The following DSC3 variants were observed in gnomAD, a reference collection of about 807,000 sequenced individuals.
The protein encoded by DSC3 is desmocollin 3.
In DSC3, 97 loss-of-function variants were observed where a neutral mutation model predicts 89.5. The ratio of observed to expected loss-of-function variants is 1.08; its 90% CI spans 0.92 to 1.28. DSC3 has a LOEUF of 1.28. Among genes scored for constraint, DSC3 ranks in the 50% most tolerant of loss-of-function variants. The probability of loss-of-function intolerance (pLI) is 0.00; values close to 1 mark genes in which losing one functional copy is unlikely to be tolerated. For missense variants in DSC3, 1,199 were observed against 1,085.3 expected (o/e 1.10, Z -1.47); for synonymous variants, 436 against 384.1 (o/e 1.14, Z -1.58).
intron 9 of DSC3, among the ~76,000 whole-genome samples, chr18:31,012,500 T>A (rs185605139): frequency 6.6e-6 from 1 of 152,302 alleles, no homozygotes; most frequent in Non-Finnish European, 1.5e-5. Flanking sequence ...TCCTAGATAG[T>A]CTGGACATTC....
At chr18:31,032,053 A>ACTT in intron 2 of DSC3, 139 bp downstream of exon 2, 1 of 662,382 alleles carries the variant, frequency 1.5e-6, no homozygotes, top group Non-Finnish European at 2.7e-6. Flanking sequence ...CAGAATGATA[A>ACTT]CTTCTGGTTT....
intron 5 of DSC3, 130 bp from the exon 6 acceptor site, chr18:31,024,623 G>T: frequency 2.1e-6 from 2 of 975,162 alleles, no homozygotes; most frequent in Non-Finnish European, 3.0e-6. Context: ...TATCCACTGT[G>T]TTTTTAATTA....
rs145045316 is a variant in DSC3 at position 30,997,050 on chromosome 18, T to C, written c.2236-2A>G. 5.7e-5 allele frequency: 92 copies of C among 1,614,182 alleles called. No individual in the cohort carries two copies. Among genetic ancestry groups the C allele is most frequent in the Middle Eastern group, 3.3e-4 (2 of 6,062 alleles). On this transcript the variant is annotated splice_acceptor_variant, in intron 14 of 15. Transcript: ENST00000360428. LOFTEE classifies it high-confidence loss of function. ...GGTCATAAATCCATTGGCAGAGCAC[T>C]GAAATAATAAAATGAAATAATTCAT...
intron 5 of DSC3, among the ~76,000 whole-genome samples, chr18:31,025,553 C>T (rs1985568010): frequency 6.6e-6 from 1 of 152,022 alleles, no homozygotes; most frequent in South Asian, 2.1e-4. Context: ...AATATTGAAC[C>T]TCTTTGCTTC....
chr18:30,997,270 G>A (rs1334703020), intron 14 of DSC3, among the ~76,000 whole-genome samples: 1 of 152,146 alleles, frequency 6.6e-6, no homozygotes, highest in African/African-American at 2.4e-5. Flanking sequence ...TTAAAGAACA[G>A]AGATTTATTT....
At position 31,033,260 on chromosome 18, in the gene DSC3, T is replaced by C. The variant is rs1449108590; in HGVS notation, c.70-984A>G. 4.6e-5 allele frequency among the ~76,000 whole-genome samples: 7 copies of C among 152,042 alleles called. No homozygotes were observed. The East Asian group carries it at 1.3e-3, about 29-fold the overall frequency. ...AATCTGTATAAAAATCCCAGATAAC[T>C]TTTTTTGAAGAAATTGAAAATTAAT... On this transcript the variant is annotated intron_variant, in intron 1 of 15. Coordinates refer to ENST00000360428, the MANE Select transcript of DSC3 (RefSeq NM_001941.5).
At position 31,004,304 on chromosome 18, in the gene DSC3, T is replaced by C; in HGVS notation, c.1951A>G (p.Thr651Ala). ...AGFQEYTIPITVKDRAGQAAT... is the reference protein window; with the variant it reads ...AGFQEYTIPIAVKDRAGQAAT... ...GCTTGGCCGGCCCTGTCTTTTACAG[T>C]AATAGGAATGGTATATTCTTGAAAT... Residue 651 changes from threonine to alanine, a missense_variant, in exon 13 of 16, where the codon ACT (threonine) becomes GCT (alanine). Thr to Ala is a moderately conservative substitution (Grantham distance 58). Coordinates refer to ENST00000360428, the MANE Select transcript of DSC3 (RefSeq NM_001941.5). 1.2e-6 allele frequency: 2 copies of C among 1,613,992 alleles called. No individual in the cohort carries two copies. Among genetic ancestry groups the C allele is most frequent in the Non-Finnish European group, 1.7e-6 (2 of 1,179,922 alleles).
intron 15 of DSC3, 127 bp downstream of exon 15, chr18:30,996,664 G>T: frequency 2.9e-6 from 3 of 1,038,844 alleles, no homozygotes; most frequent in Non-Finnish European, 4.0e-6. Flanking sequence ...AAGAGCACGG[G>T]AAAATGAACA....
intron 1 of DSC3, among the ~76,000 whole-genome samples, chr18:31,035,704 C>A (rs1433603795): frequency 6.6e-6 from 1 of 151,776 alleles, no homozygotes; most frequent in East Asian, 1.9e-4. Context: ...CAGTGCCCAT[C>A]TAGATCTTTA....
In DSC3 at chr18:31,018,099, G is replaced by A. The variant is rs368556815; in HGVS notation, c.1235C>T (p.Thr412Ile). The change falls in exon 9 of 16, where the codon ACT becomes ATT. Residue 412 changes from threonine to isoleucine, a missense_variant. Coordinates refer to ENST00000360428, the MANE Select transcript of DSC3 (RefSeq NM_001941.5). ...TACAACAGAAAGAACACCTTCATTA[G>A]TTTCTTTGTCTGTGCTGATTTTGAA... is the stretch of plus-strand genomic sequence containing the variant. Reference protein sequence around the residue: ...GHFKISTDKETNEGVLSVVKP... With the variant: ...GHFKISTDKEINEGVLSVVKP... The A allele has an allele frequency of 1.7e-5, 28 of 1,612,200 alleles. No individual in the cohort carries two copies. Among genetic ancestry groups the A allele is most frequent in the Non-Finnish European group, 2.3e-5 (27 of 1,179,160 alleles).
At position 30,990,295 on chromosome 18, in the gene DSC3, C is replaced by T. The variant is rs976456109; in HGVS notation, c.*3880G>A. 2 of 152,136 alleles carry T rather than the reference C, an allele frequency of 1.3e-5. No individual in the cohort carries two copies. Among genetic ancestry groups the T allele is most frequent in the African/African-American group, 4.8e-5 (2 of 41,444 alleles). The allele number at this position is 152,136 out of a possible 1,614,324, so 9.4% of individuals were successfully genotyped here. A position where few individuals can be genotyped will look rare whatever the true frequency, so the allele number is the denominator to read the frequency against. On this transcript the variant is annotated 3_prime_UTR_variant, in exon 16 of 16. Transcript: ENST00000360428. ...TAAGTGACAGATCCAGGATTCATAT[C>T]CAAGCATTCTGGCTCTAGTGTCCAT...
In DSC3 at chr18:30,997,143, TATTCATTC is replaced by T. The variant is rs554580348; in HGVS notation, c.2236-103_2236-96del. The T allele has an allele frequency of 1.8e-5, 26 of 1,409,682 alleles. No homozygotes were observed. In the African/African-American group the frequency reaches 2.0e-4, roughly 11 times the overall value. The allele number at this position is 1,409,682 out of a possible 1,614,324, so 87.3% of individuals were successfully genotyped here. The stretch of plus-strand genomic sequence containing the variant: ...GAGAGAGAATATTTGTTCAACCTTT[TATTCATTC>T]ATTCATTCATTCATTCAACAGACAT... On this transcript the variant is annotated intron_variant, in intron 14 of 15. Transcript: ENST00000360428.
chr18:31,019,997 C>T (rs1985365231), intron 7 of DSC3, among the ~76,000 whole-genome samples: 1 of 151,868 alleles, frequency 6.6e-6, no homozygotes, highest in Middle Eastern at 3.2e-3. Context: ...TCAAACAATA[C>T]AAGAAATGCA....
chr18:31,034,940 A>G (rs1198950075), intron 1 of DSC3, among the ~76,000 whole-genome samples: 1 of 152,198 alleles, frequency 6.6e-6, no homozygotes, highest in East Asian at 1.9e-4. Context: ...AATTTTATGG[A>G]ATGTAAATTA....
chr18:31,037,143 T>C (rs2144740219), intron 1 of DSC3, among the ~76,000 whole-genome samples: 1 of 152,312 alleles, frequency 6.6e-6, no homozygotes, highest in Admixed American at 6.5e-5. Context: ...AAAAGGTCTT[T>C]CACATTTTTT....
intron 14 of DSC3, among the ~76,000 whole-genome samples, chr18:30,999,826 C>T (rs1984592367): frequency 1.3e-5 from 2 of 152,194 alleles, no homozygotes; most frequent in Non-Finnish European, 2.9e-5. Flanking sequence ...TTTATAGATT[C>T]AAGATGAAAT....
intron 9 of DSC3, among the ~76,000 whole-genome samples, 153 bp downstream of exon 9, chr18:31,017,918 A>T (rs960290520): frequency 6.6e-6 from 1 of 152,202 alleles, no homozygotes; most frequent in African/African-American, 2.4e-5. Flanking sequence ...ATTACAGAAG[A>T]CACACAGGCA....
intron 5 of DSC3, 68 bp downstream of exon 5, chr18:31,025,692 G>A: frequency 6.7e-7 from 1 of 1,483,594 alleles, no homozygotes; most frequent in Non-Finnish European, 9.4e-7. Flanking sequence ...GGAAAGAGTA[G>A]CTGGAGTAAG....
At chr18:31,031,282 C>T in intron 2 of DSC3, 110 bp from the exon 3 acceptor site, 2 of 753,260 alleles carry the variant, frequency 2.7e-6, no homozygotes, top group South Asian at 3.9e-5. Flanking sequence ...TGAAATAAGC[C>T]AATCACTTTG....
Sources: allele counts gnomAD v4.1 joint callset (sites outside exome capture counted in the v4.1 genomes callset), GRCh38; gene constraint gnomAD v4.1.1; transcripts MANE v1.5; gene names NCBI Gene and HGNC (gene_info 2026-07-23, HGNC 2026-07-21).